MMEL1: variants seen among roughly 807,000 people sequenced by gnomAD.
The protein encoded by MMEL1 is membrane metallo-endopeptidase-like 1.
A neutral mutation model predicts 117.1 loss-of-function variants in MMEL1; 98 were observed. The observed-to-expected ratio is 0.84, with a 90% CI of 0.71 to 0.99. The LOEUF (loss-of-function observed/expected upper bound fraction) is 0.99. Among genes scored for constraint, MMEL1 ranks in the 50% least tolerant of loss-of-function variants. MMEL1 has a pLI of 0.00. For synonymous variants in MMEL1, 390 were observed against 415.1 expected (o/e 0.94, Z 0.74); for missense variants, 1,014 against 1,049.1 (o/e 0.97, Z 0.46).
intron 2 of MMEL1, among the ~76,000 whole-genome samples, chr1:2,618,546 C>T (rs1447463218): frequency 6.6e-6 from 1 of 152,208 alleles, no homozygotes; most frequent in Non-Finnish European, 1.5e-5. Flanking sequence ...AAGAACTTCA[C>T]AGAGTGGAGA....
intron 4 of MMEL1, 33 bp downstream of exon 4, chr1:2,611,248 G>A (rs1243010958): frequency 5.8e-6 from 9 of 1,555,966 alleles, no homozygotes; most frequent in Non-Finnish European, 7.8e-6. Flanking sequence ...CAGCCCTTGG[G>A]CAGGCTGTGG....
intron 2 of MMEL1, among the ~76,000 whole-genome samples, chr1:2,624,814 A>T (rs1645344039): frequency 6.6e-6 from 1 of 152,228 alleles, no homozygotes; most frequent in African/African-American, 2.4e-5. Flanking sequence ...AAGAGGTTTC[A>T]TTGACTCCCA....
chr1:2,626,223 T>C (rs941572793), intron 2 of MMEL1, among the ~76,000 whole-genome samples: 4 of 152,092 alleles, frequency 2.6e-5, no homozygotes, highest in African/African-American at 7.2e-5. Flanking sequence ...GATTGGAAAA[T>C]TGGTGACAAA....
chr1:2,597,058 C>A (rs560120054), intron 13 of MMEL1, among the ~76,000 whole-genome samples: 1 of 152,194 alleles, frequency 6.6e-6, no homozygotes, highest in South Asian at 2.1e-4. Flanking sequence ...GGGACCACGT[C>A]CCTCTCAGCC....
intron 2 of MMEL1, among the ~76,000 whole-genome samples, chr1:2,623,859 C>T (rs527351338): frequency 6.6e-6 from 1 of 152,290 alleles, no homozygotes; most frequent in East Asian, 1.9e-4. Flanking sequence ...AGGTGTAACC[C>T]CTCTCACGCC....
chr1:2,612,124 T>G lies in MMEL1; in HGVS notation c.232+3A>C. The G allele has an allele frequency of 1.9e-6, 3 of 1,575,616 alleles. No individual in the cohort carries two copies. Among genetic ancestry groups the G allele is most frequent in the Non-Finnish European group, 2.6e-6 (3 of 1,159,146 alleles). The stretch of plus-strand genomic sequence containing the variant: ...CTGTTTTGGAAGGGAAGGCAAAGGC[T>G]ACCTCGGGGTTTTCGTTTTACAAAG... On this transcript the variant is annotated splice_donor_region_variant and intron_variant, in intron 3 of 23. Transcript: ENST00000378412. The surrounding 1 kb of genome is among the most constrained non-coding windows in gnomAD (Gnocchi z 5.4).
chr1:2,591,531 G>A (rs1263706901), intron 23 of MMEL1, 26 bp downstream of exon 23: 1 of 1,600,506 alleles, frequency 6.2e-7, no homozygotes, highest in South Asian at 1.1e-5. Flanking sequence ...TGGGTGGCAA[G>A]GGGGTTGTGA....
chr1:2,604,123 C>CG, intron 10 of MMEL1, 24 bp downstream of exon 10: 3 of 987,048 alleles, frequency 3.0e-6, no homozygotes, highest in Non-Finnish European at 4.7e-6. Context: ...GCTGCCCGCT[C>CG]CCCACCCGCC....
At chr1:2,611,529 CAT>C (rs1282007131) in intron 3 of MMEL1, 189 bp from the exon 4 acceptor site, 1 of 516,958 alleles carries the variant, frequency 1.9e-6, no homozygotes, top group Non-Finnish European at 3.4e-6. Context: ...GTAACCAAAG[CAT>C]AGTCTGGTGG....
At chr1:2,608,595 G>A (rs550717619) in intron 6 of MMEL1, among the ~76,000 whole-genome samples, 1 of 151,170 alleles carries the variant, frequency 6.6e-6, no homozygotes, top group East Asian at 1.9e-4. Flanking sequence ...TATATATACA[G>A]TACACACATA....
At chr1:2,593,406 G>A (rs1259321729) in intron 19 of MMEL1, among the ~76,000 whole-genome samples, 4 of 152,232 alleles carry the variant, frequency 2.6e-5, no homozygotes, top group African/African-American at 4.8e-5. Flanking sequence ...AGTCCCCACC[G>A]AGGGGCGGAG....
chr1:2,601,274 A>C (rs1002395061), intron 11 of MMEL1, among the ~76,000 whole-genome samples: 4 of 152,180 alleles, frequency 2.6e-5, no homozygotes, highest in Non-Finnish European at 5.9e-5. Flanking sequence ...GTGGGGCAAA[A>C]GAGAGTCCAG....
intron 4 of MMEL1, among the ~76,000 whole-genome samples, chr1:2,610,724 A>G (rs1645111770): frequency 2.0e-5 from 3 of 152,048 alleles, no homozygotes; most frequent in Admixed American, 2.0e-4. Context: ...GCTGGGCTGC[A>G]CCCCCCGACC....
chr1:2,622,306 G>C (rs546909457), intron 2 of MMEL1, among the ~76,000 whole-genome samples: 1 of 152,298 alleles, frequency 6.6e-6, no homozygotes, highest in South Asian at 2.1e-4. Context: ...GGGTCTTGCT[G>C]AAATACCAAC....
chr1:2,598,883 G>C, intron 11 of MMEL1, 93 bp from the exon 12 acceptor site: 1 of 1,103,956 alleles, frequency 9.1e-7, no homozygotes, highest in East Asian at 2.5e-5. Flanking sequence ...GTTGAAGAAT[G>C]TTCAAGGAAT....
At chr1:2,620,046 T>C (rs1241483403) in intron 2 of MMEL1, among the ~76,000 whole-genome samples, 1 of 152,252 alleles carries the variant, frequency 6.6e-6, no homozygotes, top group African/African-American at 2.4e-5. Context: ...CATTAATATA[T>C]GTTATCAGTG....
Position 2,595,142 on chromosome 1 carries a change from C to T in MMEL1, c.1584+134G>A. The T allele has an allele frequency of 3.7e-6, 3 of 819,270 alleles. No individual in the cohort carries two copies. The highest frequency in any genetic ancestry group is 5.9e-6 in the Non-Finnish European group (3 of 507,000). The allele number at this position is 819,270 out of a possible 1,614,324, so 50.8% of individuals were successfully genotyped here. On this transcript the variant is annotated intron_variant, in intron 16 of 23. Transcript: ENST00000378412. This position sits in a 1 kb window ranked among gnomAD's most constrained non-coding sequence, Gnocchi z 4.8. ...CTGAGGGTAGTGCTGGAGCCACCAC[C>T]CTAGGGCACGGTGAGGACAGCTGTG...
intron 13 of MMEL1, 58 bp from the exon 14 acceptor site, chr1:2,596,747 G>C (rs535402049): frequency 1.9e-6 from 3 of 1,599,168 alleles, no homozygotes; most frequent in Admixed American, 3.4e-5. Context: ...CAGGCCTGGC[G>C]TGGGGCCCTG....
chr1:2,608,460 CAA>C lies in MMEL1; in HGVS notation c.535+877_535+878del, dbSNP rs1645065398. Among the ~76,000 whole-genome samples the C allele has an allele frequency of 2.0e-5, 3 of 152,102 alleles. No individual in the cohort carries two copies. In the South Asian group the frequency reaches 6.2e-4, roughly 31 times the overall value. ...ATCCACATACATCCACATGCACACA[CAA>C]GCACATATGACACACATACAGCACA... On this transcript the variant is annotated intron_variant, in intron 6 of 23. Coordinates refer to ENST00000378412, the MANE Select transcript of MMEL1 (RefSeq NM_033467.4).
Sources: gnomAD v4.1 joint callset for allele counts (sites outside exome capture counted in the v4.1 genomes callset) on GRCh38, gnomAD v4.1.1 for gene constraint, Gnocchi (gnomAD v3.1) non-coding constraint, MANE v1.5 for transcripts, NCBI Gene and HGNC (gene_info 2026-07-23, HGNC 2026-07-21) for gene names.